Variants in RAB11FIP1 observed in about 807,000 individuals in gnomAD.
RAB11FIP1 encodes RAB11 family interacting protein 1, also known as rab11 family-interacting protein 1.
In RAB11FIP1, 49 loss-of-function variants were observed where a neutral mutation model predicts 83.1. The ratio of observed to expected loss-of-function variants is 0.59; its 90% CI spans 0.47 to 0.75. The LOEUF is 0.75. RAB11FIP1 is among the 30% of genes least tolerant of loss of function. RAB11FIP1 has a pLI of 0.00. For synonymous variants in RAB11FIP1, 670 were observed against 656.0 expected, an observed-to-expected ratio of 1.02 and a Z score of -0.33; for missense variants, 1,536 against 1,598.7, an observed-to-expected ratio of 0.96 and a Z score of 0.67.
intron 1 of RAB11FIP1, among the ~76,000 whole-genome samples, chr8:37,879,967 T>C (rs1806701865): frequency 6.6e-6 from 1 of 152,320 alleles, no homozygotes; most frequent in East Asian, 1.9e-4. Flanking sequence ...GGAAGCCTTC[T>C]TCCCTAGCTT....
chr8:37,875,523 T>TGTCTA (rs1806589689), intron 2 of RAB11FIP1, among the ~76,000 whole-genome samples: 2 of 152,138 alleles, frequency 1.3e-5, no homozygotes, highest in South Asian at 4.1e-4. Flanking sequence ...GACAAAGGCC[T>TGTCTA]GTCTAGTCTA....
At chr8:37,885,386 C>G (rs1806812372) in intron 1 of RAB11FIP1, among the ~76,000 whole-genome samples, 1 of 152,174 alleles carries the variant, frequency 6.6e-6, no homozygotes, top group Non-Finnish European at 1.5e-5. Flanking sequence ...CTTCCCACCC[C>G]TCCTGATCCC....
chr8:37,872,063 C>T lies in RAB11FIP1; in HGVS notation c.2739G>A (p.Met913Ile), dbSNP rs1806478106. 1 of 1,614,000 alleles carries T rather than the reference C, an allele frequency of 6.2e-7. No individual in the cohort carries two copies. The change falls in exon 4 of 6, where the codon ATG becomes ATA. Residue 913 changes from methionine (M) to isoleucine (I), a missense_variant. By Grantham distance (10) the Met-to-Ile change is conservative (BLOSUM62 1). Transcript: ENST00000330843. ...GAGTCACAAGGGCATCCTCTCCCTC[C>T]ATCCTAAAGAGTGGAGTGTCTTTCG... Reference protein sequence around the residue: ...SSAKDTPLFRMEGEDALVTQY... With the variant: ...SSAKDTPLFRIEGEDALVTQY...
intron 2 of RAB11FIP1, 51 bp downstream of exon 2, chr8:37,877,058 A>T (rs1253359628): frequency 1.5e-6 from 2 of 1,298,642 alleles, no homozygotes; most frequent in South Asian, 1.3e-5. Context: ...CTCAGAACGA[A>T]GCATGGTAAG....
Position 37,872,314 on chromosome 8 carries a change from C to A in RAB11FIP1, c.2488G>T (p.Gly830Ter). The stretch of plus-strand genomic sequence containing the variant: ...AGCTCCTGGGGACAACTGCTGTGTC[C>A]TTCCACCAGCAAGGCAGCCCCCGCC... ...AVAGAALLVE[G>*]HSSCPQELNP... Residue 830 changes from glycine to a stop codon, truncating the protein, a stop_gained, in exon 4 of 6, where the codon GGA (glycine) becomes TGA (stop). Coordinates refer to ENST00000330843, the MANE Select transcript of RAB11FIP1 (RefSeq NM_001002814.3). LOFTEE classifies it high-confidence loss of function. 2 of 1,614,028 alleles carry A rather than the reference C, an allele frequency of 1.2e-6. No individual in the cohort carries two copies. The highest frequency in any genetic ancestry group is 1.7e-6 in the Non-Finnish European group (2 of 1,179,966).
chr8:37,899,094 G>C lies in RAB11FIP1; in HGVS notation c.348C>G (p.Arg116=), dbSNP rs1807157488. ...ACTGCGTCTTCCTGCGGCCCTGGTC[G>C]CGGTGCAGATCCCGCAGGTCCACCT... ...RAEVDLRDLH[R]DQGRRKTQWY... is the part of the protein sequence containing the mutation. The change falls in exon 1 of 6, where the codon CGC becomes CGG. Residue 116 remains arginine, a synonymous_variant. Coordinates refer to ENST00000330843, the MANE Select transcript of RAB11FIP1 (RefSeq NM_001002814.3). This position sits in a 1 kb window ranked among gnomAD's most constrained non-coding sequence, Gnocchi z 4.5. 2 of 1,518,732 alleles carry C rather than the reference G, an allele frequency of 1.3e-6. No individual in the cohort carries two copies. Among genetic ancestry groups the C allele is most frequent in the East Asian group, 2.6e-5 (1 of 37,970 alleles). The allele number at this position is 1,518,732 out of a possible 1,614,324, so 94.1% of individuals were successfully genotyped here.
intron 5 of RAB11FIP1, among the ~76,000 whole-genome samples, chr8:37,868,107 G>A (rs1171433551): frequency 3.3e-5 from 5 of 152,116 alleles, no homozygotes; most frequent in African/African-American, 1.2e-4. Context: ...AGGCAATAGA[G>A]CAAGACCCCA....
At chr8:37,898,276 C>T (rs1426914678) in intron 1 of RAB11FIP1, among the ~76,000 whole-genome samples, 1 of 152,098 alleles carries the variant, frequency 6.6e-6, no homozygotes, top group African/African-American at 2.4e-5. Context: ...TTTGGGAGGC[C>T]GAGGTGGGCG....
chr8:37,865,602 G>A (rs560057329), intron 5 of RAB11FIP1, among the ~76,000 whole-genome samples: 267 of 152,308 alleles, frequency 1.8e-3, no homozygotes, highest in African/African-American at 6.0e-3. Context: ...TTACAGGCAT[G>A]AGCCACTGAG....
At chr8:37,877,702 A>T in intron 1 of RAB11FIP1, 151 bp from the exon 2 acceptor site, 2 of 429,644 alleles carry the variant, frequency 4.7e-6, no homozygotes, top group Non-Finnish European at 8.3e-6. Context: ...GGTAGATGAG[A>T]GCAGAATTTT....
chr8:37,874,247 T>G (rs1806550725), intron 3 of RAB11FIP1, among the ~76,000 whole-genome samples: 1 of 152,226 alleles, frequency 6.6e-6, no homozygotes, highest in Non-Finnish European at 1.5e-5. Context: ...TACAAACCAC[T>G]GCGTTCCACT....
In RAB11FIP1 at chr8:37,861,745, T is replaced by G. The variant is rs1806236820; in HGVS notation, c.*1150A>C. The stretch of plus-strand genomic sequence containing the variant: ...CTGGGATTACAGGCACGCACCACCA[T>G]GCCAAGCTAATTTTTGTATTTTTAG... On this transcript the variant is annotated 3_prime_UTR_variant, in exon 6 of 6. Coordinates refer to ENST00000330843, the MANE Select transcript of RAB11FIP1 (RefSeq NM_001002814.3). The G allele has an allele frequency of 2.8e-6, 1 of 353,376 alleles. No homozygotes were observed. Among genetic ancestry groups the G allele is most frequent in the Non-Finnish European group, 5.5e-6 (1 of 182,798 alleles). 21.9% of individuals were successfully genotyped at this position (353,376 alleles called of 1,614,324 possible). A position where few individuals can be genotyped will look rare whatever the true frequency, so the allele number is the denominator to read the frequency against.
At chr8:37,869,227 C>CAA (rs59449975) in intron 5 of RAB11FIP1, among the ~76,000 whole-genome samples, 3 of 126,894 alleles carry the variant, frequency 2.4e-5, no homozygotes, top group Admixed American at 8.1e-5. Context: ...GATCCTGTAT[C>CAA]AAAAAAAAAA....
At position 37,873,011 on chromosome 8, in the gene RAB11FIP1, AGAG is replaced by A. The variant is rs139109346; in HGVS notation, c.1788_1790del (p.Ser597del). ...TGGGAGCTGCTATGGGAGATGAGAG[AGAG>A]GAGAAGACAGAAGGACTCTCAGAGG... On this transcript the variant is annotated inframe_deletion, in exon 4 of 6. Transcript: ENST00000330843. The A allele has an allele frequency of 3.1e-4, 498 of 1,614,120 alleles. No homozygotes were observed. The African/African-American group carries it at 5.7e-3, about 18-fold the overall frequency.
At chr8:37,893,814 C>A (rs970962797) in intron 1 of RAB11FIP1, among the ~76,000 whole-genome samples, 1 of 151,576 alleles carries the variant, frequency 6.6e-6, no homozygotes, top group South Asian at 2.1e-4. Context: ...ACTTTAGAAA[C>A]AAGAAGATGG....
chr8:37,874,577 C>T lies in RAB11FIP1; in HGVS notation c.1560G>A (p.Lys520=). 6.2e-7 allele frequency: 1 copy of T among 1,614,208 alleles called. No homozygotes were observed. Residue 520 remains lysine (K), a synonymous_variant, in exon 3 of 6, where the codon AAG becomes AAA. Coordinates refer to ENST00000330843, the MANE Select transcript of RAB11FIP1 (RefSeq NM_001002814.3). ...ITEPEAEPES[K]SEPRPPISSP... ...AGGAAATTGGAGGTCTCGGTTCAGA[C>T]TTGGACTCTGGCTCAGCTTCTGGTT... is the stretch of plus-strand genomic sequence containing the variant.
At chr8:37,865,798 A>T (rs1806330076) in intron 5 of RAB11FIP1, among the ~76,000 whole-genome samples, 1 of 152,146 alleles carries the variant, frequency 6.6e-6, no homozygotes, top group Admixed American at 6.5e-5. Flanking sequence ...CTGGATATTT[A>T]TGTTGTTTTC....
At chr8:37,894,350 T>C (rs906688832) in intron 1 of RAB11FIP1, among the ~76,000 whole-genome samples, 1 of 152,200 alleles carries the variant, frequency 6.6e-6, no homozygotes, top group Non-Finnish European at 1.5e-5. Flanking sequence ...TTTTTTCTTT[T>C]TTTTAATAAC....
At chr8:37,877,689 A>G in intron 1 of RAB11FIP1, 138 bp from the exon 2 acceptor site, 1 of 539,782 alleles carries the variant, frequency 1.9e-6, no homozygotes, top group Non-Finnish European at 3.3e-6. Flanking sequence ...CTCTTCGGGA[A>G]GTGGTAGATG....
Sources: allele counts gnomAD v4.1 joint callset (sites outside exome capture counted in the v4.1 genomes callset), GRCh38; gene constraint gnomAD v4.1.1; non-coding constraint Gnocchi (gnomAD v3.1); transcripts MANE v1.5; gene names NCBI Gene and HGNC (gene_info 2026-07-23, HGNC 2026-07-21).